Variants in HOXA5 observed in about 807,000 individuals in gnomAD.
HOXA5 encodes the protein homeobox A5, also known as homeobox protein Hox-A5.
HOXA5 carries 12 observed loss-of-function variants against 20.0 expected under a neutral mutation model. The ratio of observed to expected loss-of-function variants is 0.60; its 90% CI spans 0.38 to 0.97. The LOEUF is 0.97. Ranked by LOEUF, HOXA5 falls within the 50% of genes least tolerant of loss-of-function variation. The pLI, the probability that HOXA5 is intolerant of heterozygous loss-of-function variation, is 0.00. For missense variants in HOXA5, 352 were observed against 380.3 expected (o/e 0.93, Z 0.62); for synonymous variants, 159 against 157.7 (o/e 1.01, Z -0.06).
intron 1 of HOXA5, chr7:27,142,840 C>T (rs1782622661): frequency 1.9e-6 from 1 of 531,252 alleles, no homozygotes; most frequent in Admixed American, 3.9e-5. Flanking sequence ...CAGAGAACGC[C>T]CATTTCCCCC....
At chr7:27,142,673 T>G (rs1782613417) in intron 1 of HOXA5, 4 of 247,406 alleles carry the variant, frequency 1.6e-5, no homozygotes, top group East Asian at 8.0e-5. Context: ...GCCCTCCTCA[T>G]AAATTATCCG....
rs953303613 is a variant in HOXA5 at position 27,141,973 on chromosome 7, C to T, written c.675G>A (p.Arg225=). 6 of 1,614,262 alleles carry T rather than the reference C, an allele frequency of 3.7e-6. No individual in the cohort carries two copies. The highest frequency in any genetic ancestry group is 1.1e-5 in the South Asian group (1 of 91,088). ...GGCAAAGAGCATGTGCTATTTCAAT[C>T]CTCCTTCTGCGGGTCAGGTAACGGT... The part of the protein sequence containing the change: ...HFNRYLTRRR[R]IEIAHALCLS... The change falls in exon 2 of 2, where the codon AGG becomes AGA. Residue 225 remains arginine, a synonymous_variant. Transcript: ENST00000222726.
Position 27,141,885 on chromosome 7 carries a change from T to C in HOXA5, c.763A>G (p.Lys255Glu), listed in dbSNP as rs756800264. Residue 255 changes from lysine (K) to glutamate (E), a missense_variant, in exon 2 of 2, where the codon AAG becomes GAG. Coordinates refer to ENST00000222726, the MANE Select transcript of HOXA5 (RefSeq NM_019102.4). ...GCGGCCATGCTCATGCTTTTCAGCT[T>C]ATTATCTTTTTTCCACTTCATTCTC... Reference protein sequence around the residue: ...NRRMKWKKDNKLKSMSMAAAG... With the variant: ...NRRMKWKKDNELKSMSMAAAG... 1 of 1,614,060 alleles carries C rather than the reference T, an allele frequency of 6.2e-7. No individual in the cohort carries two copies.
intron 1 of HOXA5, 71 bp from the exon 2 acceptor site, chr7:27,142,156 G>T (rs981251671): frequency 2.6e-6 from 4 of 1,535,370 alleles, no homozygotes; most frequent in Non-Finnish European, 3.5e-6. Context: ...GACAAGCTTG[G>T]GTCATGAGCA....
chr7:27,143,508 A>T lies in HOXA5; in HGVS notation c.100T>A (p.Phe34Ile). 1 of 1,613,772 alleles carries T rather than the reference A, an allele frequency of 6.2e-7. No homozygotes were observed. The highest frequency in any genetic ancestry group is 8.5e-7 in the Non-Finnish European group (1 of 1,179,898). Residue 34 changes from phenylalanine to isoleucine, a missense_variant, in exon 1 of 2, where the codon TTC (phenylalanine) becomes ATC (isoleucine). Physicochemically the swap from Phe to Ile is conservative, Grantham distance 21. Transcript: ENST00000222726. ...YGDHSSVSEQ[F>I]RDSASMHSGR... ...GAGTGCATGCTCGCCGAGTCCCTGA[A>T]TTGCTCGCTCACGGAACTATGATCT... is the stretch of plus-strand genomic sequence containing the variant.
In HOXA5 at chr7:27,141,245, C is replaced by G. The variant is rs1253154041; in HGVS notation, c.*590G>C. 2.0e-5 allele frequency: 3 copies of G among 152,112 alleles called. No homozygotes were observed. The highest frequency in any genetic ancestry group is 4.4e-5 in the Non-Finnish European group (3 of 68,042). The allele number at this position is 152,112 out of a possible 1,614,324, so 9.4% of individuals were successfully genotyped here. A position where few individuals can be genotyped will look rare whatever the true frequency, so the allele number is the denominator to read the frequency against. On this transcript the variant is annotated 3_prime_UTR_variant, in exon 2 of 2. Transcript: ENST00000222726. ...GCTTATAAGAGCCACTTCCAGAGTT[C>G]GTGCAAAGGGTCCTATAAAGGCACG...
chr7:27,143,283 A>G lies in HOXA5; in HGVS notation c.325T>C (p.Ser109Pro). Residue 109 changes from serine (S) to proline (P), a missense_variant, in exon 1 of 2, where the codon TCG becomes CCG. By Grantham distance (74) the Ser-to-Pro change is moderately conservative (BLOSUM62 -1). This residue lies in a region of HOXA5 where 319 missense variants were observed against 336.5 expected (regional missense o/e 0.95). Coordinates refer to ENST00000222726, the MANE Select transcript of HOXA5 (RefSeq NM_019102.4). ...CCGTGGTGGCTGTCGCTGCCGGGCG[A>G]GGGGGCCACGGCGGAGCAGGGCAGC... ...DPLPCSAVAP[S>P]PGSDSHHGGK... 1 of 1,603,932 alleles carries G rather than the reference A, an allele frequency of 6.2e-7. No individual in the cohort carries two copies. Among genetic ancestry groups the G allele is most frequent in the Middle Eastern group, 1.7e-4 (1 of 5,904 alleles).
chr7:27,142,225 A>G (rs1782597078), intron 1 of HOXA5, 140 bp from the exon 2 acceptor site: 2 of 828,356 alleles, frequency 2.4e-6, no homozygotes, highest in Admixed American at 2.9e-5. Context: ...CCCCTCCCGA[A>G]TTTCCTTCTC....
Position 27,141,824 on chromosome 7 carries a change from C to T in HOXA5, c.*11G>A, listed in dbSNP as rs544222737. On this transcript the variant is annotated 3_prime_UTR_variant, in exon 2 of 2. Coordinates refer to ENST00000222726, the MANE Select transcript of HOXA5 (RefSeq NM_019102.4). ...CGCTAATACTGCTCAGTACTTTAAACGCTCAGATACTCAGGGACGGAAGGC... is the reference window on the plus strand; with the variant it reads ...CGCTAATACTGCTCAGTACTTTAAATGCTCAGATACTCAGGGACGGAAGGC... 22 of 1,613,018 alleles carry T rather than the reference C, an allele frequency of 1.4e-5. No homozygotes were observed. Among genetic ancestry groups the T allele is most frequent in the Admixed American group, 5.0e-5 (3 of 59,988 alleles).
At position 27,141,795 on chromosome 7, in the gene HOXA5, G is replaced by A; in HGVS notation, c.*40C>T. 1 of 1,602,540 alleles carries A rather than the reference G, an allele frequency of 6.2e-7. No individual in the cohort carries two copies. Among genetic ancestry groups the A allele is most frequent in the Non-Finnish European group, 8.5e-7 (1 of 1,173,694 alleles). ...TCACCTTAGTACTGACACTACGCGG[G>A]ATCCGCTAATACTGCTCAGTACTTT... On this transcript the variant is annotated 3_prime_UTR_variant, in exon 2 of 2. Coordinates refer to ENST00000222726, the MANE Select transcript of HOXA5 (RefSeq NM_019102.4).
rs1473306943 is a variant in HOXA5 at position 27,141,977 on chromosome 7, C to T, written c.671G>A (p.Arg224Lys). The change falls in exon 2 of 2, where the codon AGG becomes AAG. Residue 224 changes from arginine to lysine, a missense_variant. Transcript: ENST00000222726. ...AAGAGCATGTGCTATTTCAATCCTC[C>T]TTCTGCGGGTCAGGTAACGGTTGAA... ...FHFNRYLTRR[R>K]RIEIAHALCL... The T allele has an allele frequency of 1.2e-6, 2 of 1,614,272 alleles. No individual in the cohort carries two copies. Among genetic ancestry groups the T allele is most frequent in the South Asian group, 1.1e-5 (1 of 91,084 alleles).
In HOXA5 at chr7:27,143,428, G is replaced by C; in HGVS notation, c.180C>G (p.Gly60=). The C allele has an allele frequency of 6.2e-7, 1 of 1,612,744 alleles. No individual in the cohort carries two copies. The highest frequency in any genetic ancestry group is 2.2e-5 in the East Asian group (1 of 44,818). The change falls in exon 1 of 2, where the codon GGC becomes GGG. Residue 60 remains glycine (G), a synonymous_variant. Coordinates refer to ENST00000222726, the MANE Select transcript of HOXA5 (RefSeq NM_019102.4). The part of the protein sequence containing the change: ...NGMDLSVGRS[G]SGHFGSGERA... ...GCTCTCCGGAGCCAAAGTGGCCGGA[G>C]CCCGAGCGGCCGACGCTGAGATCCA...
rs1434732635 is a variant in HOXA5, at chr7:27,143,075, G to A, written c.533C>T (p.Pro178Leu). 1.3e-6 allele frequency: 2 copies of A among 1,546,334 alleles called. No homozygotes were observed. The highest frequency in any genetic ancestry group is 1.3e-5 in the South Asian group (1 of 78,936). The change falls in exon 1 of 2, where the codon CCC becomes CTC. Residue 178 changes from proline to leucine, a missense_variant. By Grantham distance (98) the Pro-to-Leu change is moderately conservative (BLOSUM62 -3). Coordinates refer to ENST00000222726, the MANE Select transcript of HOXA5 (RefSeq NM_019102.4). The part of the protein sequence containing the change: ...PAPPAQPQIY[P>L]WMRKLHISHD... The stretch of plus-strand genomic sequence containing the variant: ...ACTTATGTGCAGCTTGCGCATCCAG[G>A]GGTAGATCTGGGGTTGGGCGGGCGG...
intron 1 of HOXA5, among the ~76,000 whole-genome samples, chr7:27,142,311 C>T (rs1782599898): frequency 6.6e-6 from 1 of 152,200 alleles, no homozygotes; most frequent in Admixed American, 6.5e-5. Flanking sequence ...GGGCCGTGTC[C>T]CGGCGGACTC....
At position 27,143,222 on chromosome 7, in the gene HOXA5, G is replaced by T. The variant is rs1251021298; in HGVS notation, c.386C>A (p.Ser129Ter). The T allele has an allele frequency of 6.2e-7, 1 of 1,610,204 alleles. No individual in the cohort carries two copies. Among genetic ancestry groups the T allele is most frequent in the Non-Finnish European group, 8.5e-7 (1 of 1,178,922 alleles). The change falls in exon 1 of 2, where the codon TCG becomes TAG. Residue 129 changes from serine to a stop codon, truncating the protein, a stop_gained. Transcript: ENST00000222726. LOFTEE classifies it high-confidence loss of function. ...GATGTGGGTGCTGCCGGCGTCGGCC[G>T]AGGCGCCGCTGGAGTTGCTTAGGGA... Reference protein sequence around the residue: ...KNSLSNSSGASADAGSTHISS... With the variant: ...KNSLSNSSGA
chr7:27,142,563 C>T (rs1312460590), intron 1 of HOXA5, among the ~76,000 whole-genome samples: 1 of 152,228 alleles, frequency 6.6e-6, no homozygotes, highest in Non-Finnish European at 1.5e-5. Context: ...CTCTCTCCCT[C>T]CTGCCCCCAA....
Position 27,143,495 on chromosome 7 carries a change from G to A in HOXA5, c.113C>T (p.Ala38Val), listed in dbSNP as rs1246298246. The change falls in exon 1 of 2, where the codon GCG becomes GTG. Residue 38 changes from alanine to valine, a missense_variant. This residue lies in a region of HOXA5 where 319 missense variants were observed against 336.5 expected (regional missense o/e 0.95). Coordinates refer to ENST00000222726, the MANE Select transcript of HOXA5 (RefSeq NM_019102.4). ...SSVSEQFRDSASMHSGRYGYG... is the reference protein window; with the variant it reads ...SSVSEQFRDSVSMHSGRYGYG... ...GCCGTACCTGCCGGAGTGCATGCTCGCCGAGTCCCTGAATTGCTCGCTCAC... is the reference window on the plus strand; with the variant it reads ...GCCGTACCTGCCGGAGTGCATGCTCACCGAGTCCCTGAATTGCTCGCTCAC... 1.2e-6 allele frequency: 2 copies of A among 1,613,742 alleles called. No individual in the cohort carries two copies. The highest frequency in any genetic ancestry group is 1.7e-6 in the Non-Finnish European group (2 of 1,179,934).
chr7:27,142,174 C>G, intron 1 of HOXA5, 89 bp from the exon 2 acceptor site: 1 of 1,452,054 alleles, frequency 6.9e-7, no homozygotes, highest in Non-Finnish European at 9.2e-7. Flanking sequence ...GCAGGGAACC[C>G]AGGCGAAAAG....
Position 27,143,301 on chromosome 7 carries a change from A to C in HOXA5, c.307T>G (p.Cys103Gly). Residue 103 changes from cysteine to glycine, a missense_variant, in exon 1 of 2, where the codon TGC becomes GGC. Physicochemically the swap from Cys to Gly is radical, Grantham distance 159 (BLOSUM62 -3). Transcript: ENST00000222726. ...CCGGGCGAGGGGGCCACGGCGGAGC[A>C]GGGCAGCGGATCGGGCTGAGGAGAG... ...THSPQPDPLP[C>G]SAVAPSPGSD... The C allele has an allele frequency of 6.2e-7, 1 of 1,601,668 alleles. No homozygotes were observed. The highest frequency in any genetic ancestry group is 8.5e-7 in the Non-Finnish European group (1 of 1,176,826).
Sources: allele counts gnomAD v4.1 joint callset (sites outside exome capture counted in the v4.1 genomes callset), GRCh38; gene constraint gnomAD v4.1.1; regional missense constraint gnomAD v4.1.1; transcripts MANE v1.5; gene names NCBI Gene and HGNC (gene_info 2026-07-23, HGNC 2026-07-21).